The following ARID5B variants were observed in gnomAD, a reference collection of about 807,000 sequenced individuals.
ARID5B encodes the protein AT-rich interactive domain-containing protein 5B.
In ARID5B, 13 loss-of-function variants were observed where a neutral mutation model predicts 97.2. The ratio of observed to expected loss-of-function variants is 0.13; its 90% confidence interval spans 0.09 to 0.21. The LOEUF is 0.21. ARID5B is among the 10% of genes least tolerant of loss of function. The pLI, the probability that ARID5B is intolerant of heterozygous loss-of-function variation, is 1.00. For missense variants in ARID5B, 1,210 were observed against 1,465.3 expected (o/e 0.83, Z 2.84); for synonymous variants, 556 against 570.3 (o/e 0.97, Z 0.36).
intron 5 of ARID5B, chr10:62,051,236 C>G (rs1839785611): frequency 1.0e-5 from 6 of 594,608 alleles, no homozygotes; most frequent in South Asian, 9.7e-5. Context: ...TCCTACCTCC[C>G]AGTTTGGCCT....
At chr10:62,018,884 G>A (rs10821943) in intron 4 of ARID5B, among the ~76,000 whole-genome samples, 12,553 of 152,134 alleles carry the variant, frequency 0.083, 791 homozygotes, top group Admixed American at 0.16. Flanking sequence ...TCCAGGTTCT[G>A]TTAGACATCA....
At chr10:61,926,504 G>A (rs1844108107) in intron 2 of ARID5B, among the ~76,000 whole-genome samples, 2 of 152,212 alleles carry the variant, frequency 1.3e-5, no homozygotes, top group African/African-American at 2.4e-5. Flanking sequence ...ACTAGTGTCT[G>A]TGTCAAGTAA....
chr10:61,914,163 G>C (rs2132761949), intron 2 of ARID5B, among the ~76,000 whole-genome samples: 1 of 152,344 alleles, frequency 6.6e-6, no homozygotes, highest in South Asian at 2.1e-4. Flanking sequence ...CCTGAAGCCA[G>C]GAGGGCCCTC....
chr10:61,942,183 T>C (rs1844422295), intron 3 of ARID5B, among the ~76,000 whole-genome samples: 2 of 152,186 alleles, frequency 1.3e-5, no homozygotes, highest in African/African-American at 4.8e-5. Context: ...GGATAATTTA[T>C]TAATGAACAG....
chr10:61,925,254 A>T (rs1292178822), intron 2 of ARID5B, among the ~76,000 whole-genome samples: 1 of 152,020 alleles, frequency 6.6e-6, no homozygotes, highest in Non-Finnish European at 1.5e-5. Flanking sequence ...GTAATGGTCG[A>T]GTCATTCCGG....
At position 61,967,186 on chromosome 10, in the gene ARID5B, G is replaced by A. The variant is rs561920977; in HGVS notation, c.502+26778G>A. Among the ~76,000 whole-genome samples the A allele has an allele frequency of 3.9e-5, 6 of 152,230 alleles. No individual in the cohort carries two copies. In the East Asian group the frequency reaches 1.2e-3, roughly 29 times the overall value. On this transcript the variant is annotated intron_variant, in intron 3 of 9. Coordinates refer to ENST00000279873, the MANE Select transcript of ARID5B (RefSeq NM_032199.3). Reference sequence around the variant, plus strand: ...TGGTGTCATCTGCAAGTTTGAGAAGGCTTCTATAACTTTACTCAAGCAGCT... The same window carrying A: ...TGGTGTCATCTGCAAGTTTGAGAAGACTTCTATAACTTTACTCAAGCAGCT...
chr10:62,076,411 A>G (rs937562851), intron 8 of ARID5B, among the ~76,000 whole-genome samples: 3 of 151,998 alleles, frequency 2.0e-5, no homozygotes, highest in African/African-American at 7.3e-5. Context: ...GGCTGGTGGC[A>G]CACACCTGTA....
chr10:62,013,238 CACTT>C (rs1241705247), intron 4 of ARID5B, among the ~76,000 whole-genome samples: 1 of 152,162 alleles, frequency 6.6e-6, no homozygotes, highest in Non-Finnish European at 1.5e-5. Flanking sequence ...TTTCCTGAAG[CACTT>C]ACTAAAAATT....
rs1436504765 is a variant in ARID5B at position 61,901,702 on chromosome 10, A to T, written c.-8A>T. The T allele has an allele frequency of 1.2e-6, 2 of 1,613,900 alleles. No homozygotes were observed. Among genetic ancestry groups the T allele is most frequent in the Admixed American group, 3.3e-5 (2 of 60,004 alleles). On this transcript the variant is annotated 5_prime_UTR_variant, in exon 1 of 10. Coordinates refer to ENST00000279873, the MANE Select transcript of ARID5B (RefSeq NM_032199.3). ...GAATGTTGAGTTCAATCAATTCAGAACGTCGAGATGGAGCCCAACTCACTC... is the reference window on the plus strand; with the variant it reads ...GAATGTTGAGTTCAATCAATTCAGATCGTCGAGATGGAGCCCAACTCACTC...
intron 3 of ARID5B, among the ~76,000 whole-genome samples, chr10:61,946,286 G>A (rs1844497696): frequency 6.6e-6 from 1 of 152,034 alleles, no homozygotes; most frequent in African/African-American, 2.4e-5. Flanking sequence ...TTCCTGAGAT[G>A]TGGACATGGG....
Position 62,093,223 on chromosome 10 carries a change from T to G in ARID5B, c.*193T>G, listed in dbSNP as rs1840412837. ...GGACAACTCTAGCCCACAAACTGAC[T>G]GGCTGGTGAGTCTTGACTCCCTTCC... On this transcript the variant is annotated 3_prime_UTR_variant, in exon 10 of 10. Transcript: ENST00000279873. 9.1e-6 allele frequency: 7 copies of G among 766,668 alleles called. No homozygotes were observed. Among genetic ancestry groups the G allele is most frequent in the Middle Eastern group, 3.9e-4 (1 of 2,568 alleles). The allele number at this position is 766,668 out of a possible 1,614,324, so 47.5% of individuals were successfully genotyped here.
chr10:62,023,708 G>A (rs1316870763), intron 4 of ARID5B, among the ~76,000 whole-genome samples: 1 of 152,188 alleles, frequency 6.6e-6, no homozygotes, highest in African/African-American at 2.4e-5. Flanking sequence ...TATTAATCAA[G>A]CAAAAGGAAG....
intron 3 of ARID5B, among the ~76,000 whole-genome samples, chr10:61,944,524 A>C (rs570247256): frequency 6.6e-6 from 1 of 152,352 alleles, no homozygotes; most frequent in African/African-American, 2.4e-5. Flanking sequence ...TGAAAAAAAA[A>C]TCAAATTATT....
chr10:62,056,562 A>T (rs1464040832), intron 5 of ARID5B, among the ~76,000 whole-genome samples: 1 of 152,180 alleles, frequency 6.6e-6, no homozygotes, highest in Non-Finnish European at 1.5e-5. Context: ...ATTTTGATAC[A>T]AAGTATAAAA....
In ARID5B at chr10:62,057,361, A is replaced by T. The variant is rs201473766; in HGVS notation, c.1048+43A>T. On this transcript the variant is annotated intron_variant, in intron 6 of 9. Coordinates refer to ENST00000279873, the MANE Select transcript of ARID5B (RefSeq NM_032199.3). Reference sequence around the variant, plus strand: ...CGTTTCTGAATTATCAGAGCTGCTCAGATTCTTTGAATTGGAAAAAATAAT... The same window carrying T: ...CGTTTCTGAATTATCAGAGCTGCTCTGATTCTTTGAATTGGAAAAAATAAT... 15 of 1,555,566 alleles carry T rather than the reference A, an allele frequency of 9.6e-6. No homozygotes were observed. In the East Asian group the frequency reaches 3.1e-4, roughly 33 times the overall value.
At chr10:62,053,894 G>C (rs1006419098) in intron 5 of ARID5B, among the ~76,000 whole-genome samples, 1 of 152,186 alleles carries the variant, frequency 6.6e-6, no homozygotes, top group Non-Finnish European at 1.5e-5. Flanking sequence ...TATCATTTTT[G>C]CTTTACTAAG....
At position 62,092,545 on chromosome 10, in the gene ARID5B, G is replaced by C; in HGVS notation, c.3082G>C (p.Ala1028Pro). ...DLDLVIAGKKARAVSPLDPSK... is the reference protein window; with the variant it reads ...DLDLVIAGKKPRAVSPLDPSK... ...GGACCTTGTGATTGCAGGGAAAAAG[G>C]CCCGGGCAGTGTCTCCCTTAGACCC... Residue 1028 changes from alanine (A) to proline (P), a missense_variant, in exon 10 of 10, where the codon GCC (alanine) becomes CCC (proline). By Grantham distance (27) the Ala-to-Pro change is conservative. Coordinates refer to ENST00000279873, the MANE Select transcript of ARID5B (RefSeq NM_032199.3). 1 of 1,614,180 alleles carries C rather than the reference G, an allele frequency of 6.2e-7. No individual in the cohort carries two copies. Among genetic ancestry groups the C allele is most frequent in the South Asian group, 1.1e-5 (1 of 91,088 alleles).
intron 4 of ARID5B, among the ~76,000 whole-genome samples, chr10:62,018,543 GC>G (rs773427069): frequency 1.6e-4 from 24 of 150,016 alleles, no homozygotes; most frequent in East Asian, 9.7e-4. Flanking sequence ...GGTAAATATT[GC>G]CCGGTCTCCA....
At chr10:61,973,154 A>G (rs1267818392) in intron 3 of ARID5B, among the ~76,000 whole-genome samples, 1 of 152,202 alleles carries the variant, frequency 6.6e-6, no homozygotes, top group Non-Finnish European at 1.5e-5. Flanking sequence ...CAAGGCTTCC[A>G]GTTGAAGAGA....
Sources: gnomAD v4.1 joint callset for allele counts (sites outside exome capture counted in the v4.1 genomes callset) on GRCh38, gnomAD v4.1.1 for gene constraint, MANE v1.5 for transcripts, NCBI Gene and HGNC (gene_info 2026-07-23, HGNC 2026-07-21) for gene names.